The following AMZ1 variants were observed in gnomAD, a reference collection of about 807,000 sequenced individuals.
AMZ1 encodes archaelysin family metallopeptidase 1, also known as archaemetzincin-1.
Under a neutral mutation model 29.9 loss-of-function variants are expected in AMZ1, and 39 were observed. That is an observed-to-expected ratio of 1.30 (90% CI 1.01 to 1.70). The LOEUF is 1.70. Ranked by LOEUF, AMZ1 falls within the 40% of genes most tolerant of loss-of-function variation. The pLI is 0.00. For synonymous variants in AMZ1, 458 were observed against 304.0 expected (o/e 1.51, Z -5.27); for missense variants, 1,041 against 680.6 (o/e 1.53, Z -5.89).
intron 4 of AMZ1, among the ~76,000 whole-genome samples, chr7:2,740,631 T>C (rs1790451117): frequency 6.6e-6 from 1 of 152,190 alleles, no homozygotes; most frequent in African/African-American, 2.4e-5. Flanking sequence ...GAGGCAAAGA[T>C]GGTGAAATGT....
rs770685700 is a variant in AMZ1 at position 2,731,551 on chromosome 7, T to A, written n.550+21735T>A. Reference sequence around the variant, plus strand: ...GGTGCGCCTGTCCTCCATGAGGACCTGGTCGTACTCGCTGGAGGAGACCAT... The same window carrying A: ...GGTGCGCCTGTCCTCCATGAGGACCAGGTCGTACTCGCTGGAGGAGACCAT... On this transcript the variant is annotated intron_variant and non_coding_transcript_variant, in intron 4 of 4. Transcript: ENST00000489665. This position sits in a 1 kb window ranked among gnomAD's most constrained non-coding sequence, Gnocchi z 6.0. 6.2e-7 allele frequency: 1 copy of A among 1,611,296 alleles called. No homozygotes were observed. Among genetic ancestry groups the A allele is most frequent in the South Asian group, 1.1e-5 (1 of 90,926 alleles).
chr7:2,683,717 C>T (rs191742152), upstream of AMZ1, among the ~76,000 whole-genome samples: 1,023 of 152,146 alleles, frequency 6.7e-3, 4 homozygotes, highest in Non-Finnish European at 9.3e-3. Context: ...GGATTAGAGA[C>T]GCGAGCCACC....
chr7:2,754,032 G>A (rs913595072), intron 4 of AMZ1, among the ~76,000 whole-genome samples: 1 of 152,152 alleles, frequency 6.6e-6, no homozygotes, highest in African/African-American at 2.4e-5. Flanking sequence ...TAAGTTCAGC[G>A]TTACTCTCTG....
intron 6 of AMZ1, among the ~76,000 whole-genome samples, chr7:2,710,279 G>A (rs144983211): frequency 7.9e-5 from 12 of 152,340 alleles, no homozygotes; most frequent in South Asian, 4.1e-4. Context: ...TCCCTCTGTC[G>A]CCTGGGTGGG....
Position 2,712,339 on chromosome 7 carries a change from A to ACCTGGACT in AMZ1, c.960_967dup (p.Gln323ProfsTer66). The ACCTGGACT allele has an allele frequency of 6.3e-7, 1 of 1,587,654 alleles. No homozygotes were observed. The highest frequency in any genetic ancestry group is 8.6e-7 in the Non-Finnish European group (1 of 1,166,374). ...TGTTTCTCCCTCTTAGAGACTCTAC[A>ACCTGGACT]CCTGGACTCAGGCGGTGGTGGGGAC... On this transcript the variant is annotated frameshift_variant, in exon 7 of 7. Transcript: ENST00000683327. LOFTEE classifies it low-confidence loss of function (END_TRUNC).
Position 2,709,084 on chromosome 7 carries a change from T to A in AMZ1, c.611T>A (p.Val204Asp). 1 of 1,592,038 alleles carries A rather than the reference T, an allele frequency of 6.3e-7. No homozygotes were observed. The highest frequency in any genetic ancestry group is 8.6e-7 in the Non-Finnish European group (1 of 1,169,092). Residue 204 changes from valine (V) to aspartate (D), a missense_variant, in exon 5 of 7, where the codon GTC (valine) becomes GAC (aspartate). Physicochemically the swap from Val to Asp is radical, Grantham distance 152 (BLOSUM62 -3). Coordinates refer to ENST00000683327, the MANE Select transcript of AMZ1 (RefSeq NM_001384743.1). ...CTCCATCTCTCTCCAGAAGTGGGCG[T>A]CTGCAGCTTCGCCCGGTTCTCAGGG... The part of the protein sequence containing the change: ...SKFLPGHEVG[V>D]CSFARFSGEF...
intron 4 of AMZ1, among the ~76,000 whole-genome samples, chr7:2,740,053 T>C (rs1278379615): frequency 1.3e-5 from 2 of 152,312 alleles, no homozygotes; most frequent in Admixed American, 6.5e-5. Flanking sequence ...TACATTCCCA[T>C]GGGCCATGTA....
intron 1 of AMZ1, among the ~76,000 whole-genome samples, chr7:2,688,619 G>A (rs1562354727): frequency 6.6e-6 from 1 of 152,330 alleles, no homozygotes; most frequent in Admixed American, 6.5e-5. Context: ...CCCGATGGGA[G>A]CAAACTGGGG....
At chr7:2,720,096 A>G (rs1789354189), downstream of AMZ1, among the ~76,000 whole-genome samples, 1 of 152,248 alleles carries the variant, frequency 6.6e-6, no homozygotes, top group Non-Finnish European at 1.5e-5. Context: ...TGAGAAGGCA[A>G]GGAGCCGACG....
At chr7:2,706,381 G>A (rs943676085) in intron 3 of AMZ1, among the ~76,000 whole-genome samples, 1 of 152,226 alleles carries the variant, frequency 6.6e-6, no homozygotes, top group African/African-American at 2.4e-5. Flanking sequence ...TGCCCAGAGA[G>A]TAGCATGCTT....
chr7:2,739,137 C>A (rs1790369946), intron 4 of AMZ1, among the ~76,000 whole-genome samples: 1 of 152,234 alleles, frequency 6.6e-6, no homozygotes, highest in Non-Finnish European at 1.5e-5. Flanking sequence ...AAGCACCAGC[C>A]CCCTTGCCTG....
In AMZ1 at chr7:2,708,442, T is replaced by G. The variant is rs1788501787; in HGVS notation, c.473-146T>G. ...TCATGCAGTACTGTGTGCCCTCAGG[T>G]CACACCAAACGCTGGTGGCCCACAC... is the stretch of plus-strand genomic sequence containing the variant. On this transcript the variant is annotated intron_variant, in intron 3 of 6. Coordinates refer to ENST00000683327, the MANE Select transcript of AMZ1 (RefSeq NM_001384743.1). 2.4e-6 allele frequency: 3 copies of G among 1,225,734 alleles called. No homozygotes were observed. The South Asian group carries it at 4.4e-5, about 18-fold the overall frequency. 75.9% of individuals were successfully genotyped at this position (1,225,734 alleles called of 1,614,324 possible).
At chr7:2,698,009 A>G (rs1787841046) in intron 1 of AMZ1, among the ~76,000 whole-genome samples, 1 of 152,262 alleles carries the variant, frequency 6.6e-6, no homozygotes, top group South Asian at 2.1e-4. Context: ...AAAAGAAAAT[A>G]TATAAATTAC....
chr7:2,762,878 C>G, upstream of AMZ1: 1 of 1,439,860 alleles, frequency 6.9e-7, no homozygotes, highest in South Asian at 1.5e-5. Flanking sequence ...GAGCCCTGCT[C>G]GTGGAGCCAT....
intron 4 of AMZ1, among the ~76,000 whole-genome samples, chr7:2,757,826 T>A (rs1230921036): frequency 6.6e-6 from 1 of 152,130 alleles, no homozygotes; most frequent in Non-Finnish European, 1.5e-5. Flanking sequence ...GCTGAGTCAA[T>A]GAAGACATGT....
At chr7:2,712,048 A>AAAAAAT (rs200090620) in intron 6 of AMZ1, among the ~76,000 whole-genome samples, 3 of 97,440 alleles carry the variant, frequency 3.1e-5, no homozygotes, top group African/African-American at 1.1e-4. Flanking sequence ...CTCTGTCTTA[A>AAAAAAT]AAAAATCGAA....
intron 3 of AMZ1, among the ~76,000 whole-genome samples, chr7:2,705,677 AGGGGTCCCCTGGCTGGGGT>A (rs1788312049): frequency 6.6e-6 from 1 of 152,182 alleles, no homozygotes; most frequent in East Asian, 1.9e-4. Flanking sequence ...GGGGGTTGAT[AGGGGTCCCCTGGCTGGGGT>A]GGGGTGCCAT....
At chr7:2,742,768 C>T (rs148979517) in intron 4 of AMZ1, among the ~76,000 whole-genome samples, 33 of 152,316 alleles carry the variant, frequency 2.2e-4, no homozygotes, top group Middle Eastern at 3.4e-3. Flanking sequence ...GATTTATTCT[C>T]AGGTATGTAA....
intron 1 of AMZ1, among the ~76,000 whole-genome samples, chr7:2,696,144 C>G (rs116260410): frequency 1.3e-5 from 2 of 152,006 alleles, no homozygotes; most frequent in Non-Finnish European, 2.9e-5. Context: ...TTAGATTTAA[C>G]CCTACTCCAC....
Sources: allele counts gnomAD v4.1 joint callset (sites outside exome capture counted in the v4.1 genomes callset), GRCh38; gene constraint gnomAD v4.1.1; non-coding constraint Gnocchi (gnomAD v3.1); transcripts MANE v1.5; gene names NCBI Gene and HGNC (gene_info 2026-07-23, HGNC 2026-07-21).